The following FANCC variants were observed in gnomAD, a reference collection of about 807,000 sequenced individuals.
FANCC encodes the protein FA complementation group C.
In FANCC, 55 loss-of-function variants were observed where a neutral mutation model predicts 71.3. That is an observed-to-expected ratio of 0.77 (90% CI 0.62 to 0.97). The LOEUF is 0.97. Ranked by LOEUF, FANCC falls within the 50% of genes least tolerant of loss-of-function variation. The probability of loss-of-function intolerance (pLI) is 0.00; values close to 1 mark genes in which losing one functional copy is unlikely to be tolerated. For synonymous variants in FANCC, 275 were observed against 244.9 expected (o/e 1.12, Z -1.15); for missense variants, 678 against 670.9 (o/e 1.01, Z -0.12).
chr9:95,119,355 T>C (rs1564658074), intron 10 of FANCC, among the ~76,000 whole-genome samples: 1 of 122,392 alleles, frequency 8.2e-6, no homozygotes, highest in East Asian at 2.6e-4. Context: ...GTTCCTTCTT[T>C]CTTCCTTTTC....
At chr9:95,128,603 A>G (rs1268461359) in intron 8 of FANCC, among the ~76,000 whole-genome samples, 1 of 152,202 alleles carries the variant, frequency 6.6e-6, no homozygotes, top group East Asian at 1.9e-4. Flanking sequence ...CAAGGAAGAC[A>G]GCTCTTACTC....
intron 4 of FANCC, among the ~76,000 whole-genome samples, chr9:95,191,032 G>A (rs1017231937): frequency 1.3e-5 from 2 of 152,108 alleles, no homozygotes; most frequent in Non-Finnish European, 2.9e-5. Context: ...CCATTTCTAT[G>A]CTGAGGTCTT....
intron 4 of FANCC, among the ~76,000 whole-genome samples, chr9:95,209,413 A>C (rs1828354371): frequency 6.6e-6 from 1 of 152,208 alleles, no homozygotes; most frequent in Non-Finnish European, 1.5e-5. Flanking sequence ...CAGGTTCATC[A>C]GTTGTGACCA....
intron 1 of FANCC, among the ~76,000 whole-genome samples, chr9:95,257,069 TC>T (rs1831707982): frequency 6.6e-6 from 1 of 152,160 alleles, no homozygotes; most frequent in South Asian, 2.1e-4. Flanking sequence ...AGACTCAGAC[TC>T]CCGCACAATA....
At chr9:95,124,278 T>C (rs1028082402) in intron 10 of FANCC, among the ~76,000 whole-genome samples, 4 of 152,112 alleles carry the variant, frequency 2.6e-5, no homozygotes, top group Non-Finnish European at 5.9e-5. Context: ...TGAGATGCAC[T>C]GGACCAGCAC....
At position 95,304,771 on chromosome 9, in the gene FANCC, A is replaced by T. The variant is rs531656276; in HGVS notation, c.-79+12755T>A. 8.1e-3 allele frequency among the ~76,000 whole-genome samples: 1,221 copies of T among 151,160 alleles called. 25 individuals carry two copies. The highest frequency in any genetic ancestry group is 0.028 in the African/African-American group (1,160 of 41,166). On this transcript the variant is annotated intron_variant, in intron 1 of 14. Coordinates refer to ENST00000289081, the MANE Select transcript of FANCC (RefSeq NM_000136.3). ...TCTCAAAAAAAAAAAAAAAAAAAAA[A>T]AAAAGGGAAAACAGAAGAAATAAGG...
chr9:95,145,179 G>T (rs1047035318), intron 7 of FANCC: 1 of 152,176 alleles, frequency 6.6e-6, no homozygotes, highest in Non-Finnish European at 1.5e-5. Context: ...ACTCTGAACT[G>T]TAAGAACAAC....
intron 13 of FANCC, among the ~76,000 whole-genome samples, chr9:95,109,412 A>T (rs1293557328): frequency 6.6e-6 from 1 of 151,866 alleles, no homozygotes; most frequent in East Asian, 1.9e-4. Context: ...TAGAAGTGGA[A>T]CCACAGGGTT....
At chr9:95,285,650 G>C (rs1450194960) in intron 1 of FANCC, among the ~76,000 whole-genome samples, 2 of 152,008 alleles carry the variant, frequency 1.3e-5, no homozygotes. Flanking sequence ...CTCCAGCCTG[G>C]GCAACAGGGC....
At chr9:95,267,768 C>T (rs1373238244) in intron 1 of FANCC, among the ~76,000 whole-genome samples, 1 of 151,634 alleles carries the variant, frequency 6.6e-6, no homozygotes, top group Admixed American at 6.6e-5. Flanking sequence ...TTTAAAAAAG[C>T]TAATTAAAAA....
intron 1 of FANCC, among the ~76,000 whole-genome samples, chr9:95,284,852 C>CCT (rs200136544): frequency 7.2e-6 from 1 of 139,510 alleles, no homozygotes; most frequent in African/African-American, 2.8e-5. Context: ...CTCTAAGACT[C>CCT]CTCTCTCTCA....
At position 95,165,010 on chromosome 9, in the gene FANCC, G is replaced by A. The variant is rs114308053; in HGVS notation, c.521+6069C>T. On this transcript the variant is annotated intron_variant, in intron 6 of 14. Transcript: ENST00000289081. ...GTTTTTATTTCTTCATTATTCAGTC[G>A]TGTAGGCTGTATATTTTTAGACATT... Among the ~76,000 whole-genome samples, 182 of 152,032 alleles carry A rather than the reference G, an allele frequency of 1.2e-3. 1 individual carries two copies. Among genetic ancestry groups the A allele is most frequent in the African/African-American group, 4.1e-3 (172 of 41,514 alleles).
chr9:95,308,036 T>C (rs1174874032), intron 1 of FANCC, among the ~76,000 whole-genome samples: 4 of 152,194 alleles, frequency 2.6e-5, no homozygotes, highest in African/African-American at 7.2e-5. Context: ...AATCCATTCA[T>C]GTACATCAGT....
In FANCC at chr9:95,135,444, T is replaced by C. The variant is rs539583288; in HGVS notation, c.745A>G (p.Ser249Gly). The C allele has an allele frequency of 1.1e-5, 17 of 1,614,074 alleles. No homozygotes were observed. In the African/African-American group the frequency reaches 2.1e-4, roughly 20 times the overall value. Reference sequence around the variant, plus strand: ...AGATGCAGCATTGCTTTTTCAAGGCTGGGAAGGTGCCGAAGCCAGAGGCAG... The same window carrying C: ...AGATGCAGCATTGCTTTTTCAAGGCCGGGAAGGTGCCGAAGCCAGAGGCAG... Reference protein sequence around the residue: ...VVCLWLRHLPSLEKAMLHLFE... With the variant: ...VVCLWLRHLPGLEKAMLHLFE... The change falls in exon 8 of 15, where the codon AGC becomes GGC. Residue 249 changes from serine (S) to glycine (G), a missense_variant. Ser to Gly is a moderately conservative substitution (Grantham distance 56). Coordinates refer to ENST00000289081, the MANE Select transcript of FANCC (RefSeq NM_000136.3).
rs906165000 is a variant in FANCC, at chr9:95,248,683, T to C, written c.165+444A>G. ...ATTTTGAAAATAATAAATTATATAA[T>C]AGTAAAGATACTCAAAATCTTAATA... On this transcript the variant is annotated intron_variant, in intron 2 of 14. Coordinates refer to ENST00000289081, the MANE Select transcript of FANCC (RefSeq NM_000136.3). Among the ~76,000 whole-genome samples, 4 of 150,398 alleles carry C rather than the reference T, an allele frequency of 2.7e-5. 1 individual carries two copies. Among genetic ancestry groups the C allele is most frequent in the Non-Finnish European group, 1.5e-5 (1 of 66,934 alleles).
intron 4 of FANCC, among the ~76,000 whole-genome samples, chr9:95,189,182 G>T (rs1229450478): frequency 6.6e-6 from 1 of 151,632 alleles, no homozygotes; most frequent in South Asian, 2.1e-4. Context: ...TCAAAATCCT[G>T]CCTTCAATGT....
intron 1 of FANCC, among the ~76,000 whole-genome samples, chr9:95,300,754 C>G (rs753049804): frequency 6.6e-6 from 1 of 152,110 alleles, no homozygotes; most frequent in Non-Finnish European, 1.5e-5. Flanking sequence ...ACTTGTTACA[C>G]CAAATATTAC....
At position 95,130,302 on chromosome 9, in the gene FANCC, G is replaced by A. The variant is rs190867900; in HGVS notation, c.844-3721C>T. ...TGATTCTGTGTGTGTGTGTGTGTGA[G>A]AGAGAGAGAGAGAGAGAGAGAATAG... On this transcript the variant is annotated intron_variant, in intron 8 of 14. Transcript: ENST00000289081. Among the ~76,000 whole-genome samples the A allele has an allele frequency of 2.0e-3, 285 of 143,198 alleles. 1 individual carries two copies. Among genetic ancestry groups the A allele is most frequent in the Non-Finnish European group, 3.4e-3 (213 of 62,832 alleles). 93.9% of individuals were successfully genotyped at this position (143,198 alleles called of 152,430 possible).
At chr9:95,214,980 GATA>G (rs1423910379) in intron 4 of FANCC, among the ~76,000 whole-genome samples, 2 of 151,930 alleles carry the variant, frequency 1.3e-5, no homozygotes, top group African/African-American at 4.8e-5. Flanking sequence ...AAATGGTTAA[GATA>G]ATAAATTTTA....
Sources: gnomAD v4.1 joint callset for allele counts (sites outside exome capture counted in the v4.1 genomes callset) on GRCh38, gnomAD v4.1.1 for gene constraint, MANE v1.5 for transcripts, NCBI Gene and HGNC (gene_info 2026-07-23, HGNC 2026-07-21) for gene names.